The following ATAD2 variants were observed in gnomAD, a reference collection of about 807,000 sequenced individuals.
ATAD2 encodes ATPase family AAA domain-containing protein 2.
A neutral mutation model predicts 168.9 loss-of-function variants in ATAD2; 62 were observed. The observed-to-expected ratio is 0.37, with a 90% confidence interval of 0.30 to 0.45. The LOEUF is 0.45. Ranked by LOEUF, ATAD2 falls within the 20% of genes least tolerant of loss-of-function variation. ATAD2 has a pLI of 1.00. For missense variants in ATAD2, 1,419 were observed against 1,667.8 expected (o/e 0.85, Z 2.60); for synonymous variants, 613 against 571.6 (o/e 1.07, Z -1.03).
At chr8:123,327,730 G>A (rs2891717) in intron 25 of ATAD2, among the ~76,000 whole-genome samples, 131,714 of 152,194 alleles carry the variant, frequency 0.87, 59,077 homozygotes, top group East Asian at 1. Flanking sequence ...AAATAATCTT[G>A]GACTTAACCT....
At chr8:123,345,606 CG>C (rs1415142493) in intron 18 of ATAD2, among the ~76,000 whole-genome samples, 1 of 152,014 alleles carries the variant, frequency 6.6e-6, no homozygotes, top group Non-Finnish European at 1.5e-5. Flanking sequence ...TGCTTGAACC[CG>C]GAAGGCGGAG....
Position 123,347,314 on chromosome 8 carries a change from T to A in ATAD2, c.1990A>T (p.Lys664Ter). The A allele has an allele frequency of 6.2e-7, 1 of 1,614,032 alleles. No individual in the cohort carries two copies. Among genetic ancestry groups the A allele is most frequent in the Non-Finnish European group, 8.5e-7 (1 of 1,180,012 alleles). ...RYPQIYTTSE[K>*]LQLDLSSINI... ...ATTGAAGAGAGATCCAACTGCAGTTTCTCACTAGTGGTATAGATCTGTGGG... is the reference window on the plus strand; with the variant it reads ...ATTGAAGAGAGATCCAACTGCAGTTACTCACTAGTGGTATAGATCTGTGGG... The change falls in exon 16 of 28, where the codon AAA (lysine) becomes TAA (stop). Residue 664 changes from lysine to a stop codon, truncating the protein, a stop_gained. Transcript: ENST00000287394. LOFTEE classifies it high-confidence loss of function.
chr8:123,328,278 T>C lies in ATAD2; in HGVS notation c.3780A>G (p.Ala1260=). The C allele has an allele frequency of 1.3e-6, 2 of 1,590,666 alleles. No homozygotes were observed. Among genetic ancestry groups the C allele is most frequent in the Non-Finnish European group, 1.7e-6 (2 of 1,170,838 alleles). The change falls in exon 25 of 28, where the codon GCA becomes GCG. Residue 1260 remains alanine (A), a synonymous_variant. Transcript: ENST00000287394. ...NELEDSRKTT[A]CTELRDKIAC... ...CAATCTTGTCTCTCAATTCTGTACA[T>C]GCTGTAGTCTTCCTAGAGTCTTCAA...
At chr8:123,324,521 G>A (rs1827553454) in intron 26 of ATAD2, among the ~76,000 whole-genome samples, 1 of 152,200 alleles carries the variant, frequency 6.6e-6, no homozygotes, top group Non-Finnish European at 1.5e-5. Context: ...AGATAAGACC[G>A]TTGTTTAGGT....
rs374759235 is a variant in ATAD2, at chr8:123,369,796, T to C, written c.931+25A>G. 3.3e-5 allele frequency: 51 copies of C among 1,549,052 alleles called. 1 individual carries two copies. In the African/African-American group the frequency reaches 5.7e-4, roughly 17 times the overall value. ...ATAAAGCTAATATAATTACATCTCCTGGAAAGAGTATGTATAGCACTTACT... is the reference window on the plus strand; with the variant it reads ...ATAAAGCTAATATAATTACATCTCCCGGAAAGAGTATGTATAGCACTTACT... On this transcript the variant is annotated intron_variant, in intron 7 of 27. Coordinates refer to ENST00000287394, the MANE Select transcript of ATAD2 (RefSeq NM_014109.4).
chr8:123,356,115 A>G, intron 13 of ATAD2: 1 of 170,720 alleles, frequency 5.9e-6, no homozygotes, highest in Non-Finnish European at 1.2e-5. Context: ...TTTTTAGTAG[A>G]GACAGGATTT....
chr8:123,330,156 T>C (rs1827737186), intron 24 of ATAD2, among the ~76,000 whole-genome samples: 1 of 151,406 alleles, frequency 6.6e-6, no homozygotes, highest in South Asian at 2.1e-4. Context: ...GCCTGGCCAG[T>C]GTTTTGTTTG....
intron 2 of ATAD2, among the ~76,000 whole-genome samples, chr8:123,379,864 G>A (rs1468727119): frequency 8.2e-5 from 12 of 146,940 alleles, no homozygotes; most frequent in Non-Finnish European, 1.5e-4. Context: ...CATTGCGCCC[G>A]GCCACGTATT....
intron 22 of ATAD2, 46 bp downstream of exon 22, chr8:123,336,320 GTGTTAGC>G: frequency 6.7e-7 from 1 of 1,483,028 alleles, no homozygotes; most frequent in Non-Finnish European, 9.1e-7. Flanking sequence ...TCAACCCTAA[GTGTTAGC>G]TGCCCCCCAA....
chr8:123,396,404 G>C lies in ATAD2; in HGVS notation c.-47C>G, dbSNP rs1039404899. On this transcript the variant is annotated 5_prime_UTR_variant, in exon 1 of 28. Transcript: ENST00000287394. ...GCGTGCGCGACCGGAGAGAGATCCA[G>C]CTCCAGGCGCTCGCAGCTCTGGCTC... 28 of 1,480,642 alleles carry C rather than the reference G, an allele frequency of 1.9e-5. No homozygotes were observed. The highest frequency in any genetic ancestry group is 2.5e-5 in the Non-Finnish European group (28 of 1,118,564). 91.7% of individuals were successfully genotyped at this position (1,480,642 alleles called of 1,614,324 possible).
intron 1 of ATAD2, among the ~76,000 whole-genome samples, chr8:123,385,259 C>T (rs574339713): frequency 1.1e-3 from 166 of 152,130 alleles, no homozygotes; most frequent in African/African-American, 3.9e-3. Context: ...AAAAATTTCA[C>T]ATCACCATAA....
At chr8:123,374,671 C>T (rs1434210181) in intron 2 of ATAD2, among the ~76,000 whole-genome samples, 2 of 152,196 alleles carry the variant, frequency 1.3e-5, no homozygotes, top group Non-Finnish European at 2.9e-5. Context: ...TCTGTCACAG[C>T]TACCTAACAT....
chr8:123,401,026 G>A (rs563599185), upstream of ATAD2: 53 of 1,559,418 alleles, frequency 3.4e-5, 1 homozygote, highest in South Asian at 5.9e-4. Flanking sequence ...AGGCACCATG[G>A]GCAGCAAGCC....
rs1169603797 is a variant in ATAD2 at position 123,370,886 on chromosome 8, CAA to C, written c.727+15_727+16del. On this transcript the variant is annotated intron_variant, in intron 6 of 27. Transcript: ENST00000287394. ...TTAAATTCAATCCCAGAAGACAGAA[CAA>C]GAGAAGAGACTAACCCACACTGCCT... 4 of 1,555,722 alleles carry C rather than the reference CAA, an allele frequency of 2.6e-6. No homozygotes were observed. Among genetic ancestry groups the C allele is most frequent in the Non-Finnish European group, 3.5e-6 (4 of 1,146,660 alleles).
At chr8:123,389,982 A>ATT (rs1234801120) in intron 1 of ATAD2, among the ~76,000 whole-genome samples, 3 of 110,894 alleles carry the variant, frequency 2.7e-5, no homozygotes, top group African/African-American at 1.5e-4. Context: ...ATATATATAT[A>ATT]TATTTTTTTT....
In ATAD2 at chr8:123,371,319, G is replaced by T; in HGVS notation, c.556C>A (p.Gln186Lys). 1 of 1,604,974 alleles carries T rather than the reference G, an allele frequency of 6.2e-7. No homozygotes were observed. Among genetic ancestry groups the T allele is most frequent in the Non-Finnish European group, 8.5e-7 (1 of 1,176,158 alleles). The change falls in exon 5 of 28, where the codon CAA (glutamine) becomes AAA (lysine). Residue 186 changes from glutamine (Q) to lysine (K), a missense_variant. Gln to Lys is a moderately conservative substitution (Grantham distance 53). This residue lies in a region of ATAD2 where 419 missense variants were observed against 423.5 expected (regional missense o/e 0.99). Coordinates refer to ENST00000287394, the MANE Select transcript of ATAD2 (RefSeq NM_014109.4). ...LITNTAEAVL[Q>K]KMDDMKKMRR... ...ATCTTCTTCATGTCATCCATTTTTT[G>T]AAGTACAGCTTCAGCAGTGCTTTAA...
At chr8:123,333,749 T>C in intron 24 of ATAD2, 129 bp downstream of exon 24, 2 of 1,079,304 alleles carry the variant, frequency 1.9e-6, no homozygotes, top group Non-Finnish European at 1.3e-6. Flanking sequence ...TGCAAAGTTG[T>C]CTTAATAGTA....
intron 13 of ATAD2, 129 bp downstream of exon 13, chr8:123,356,260 G>A (rs745509957): frequency 3.2e-5 from 21 of 654,628 alleles, no homozygotes; most frequent in Non-Finnish European, 5.3e-5. Context: ...ATATACTGGG[G>A]TTCTACTACC....
chr8:123,366,209 C>T (rs1297329608), intron 8 of ATAD2, among the ~76,000 whole-genome samples: 5 of 152,070 alleles, frequency 3.3e-5, no homozygotes, highest in Non-Finnish European at 7.4e-5. Context: ...AAATCAAAAC[C>T]ACAATGTGAT....
Sources: gnomAD v4.1 joint callset for allele counts (sites outside exome capture counted in the v4.1 genomes callset) on GRCh38, gnomAD v4.1.1 for gene constraint, gnomAD v4.1.1 regional missense constraint, MANE v1.5 for transcripts, NCBI Gene and HGNC (gene_info 2026-07-23, HGNC 2026-07-21) for gene names.